MEGF11: variants seen among roughly 807,000 people sequenced by gnomAD.
The protein encoded by MEGF11 is multiple epidermal growth factor-like domains protein 11.
MEGF11 carries 126 observed loss-of-function variants against 146.6 expected under a neutral mutation model. The observed-to-expected ratio is 0.86, with a 90% CI of 0.74 to 1.00. MEGF11 has a LOEUF of 1.00. Ranked by LOEUF, MEGF11 falls within the 50% of genes least tolerant of loss-of-function variation. The pLI is 0.00. For missense variants in MEGF11, 1,509 were observed against 1,521.2 expected (o/e 0.99, Z 0.13); for synonymous variants, 532 against 583.4 (o/e 0.91, Z 1.27).
intron 5 of MEGF11, among the ~76,000 whole-genome samples, chr15:66,091,172 A>AC (rs2086304634): frequency 6.6e-6 from 1 of 152,220 alleles, no homozygotes; most frequent in Non-Finnish European, 1.5e-5. Context: ...CTGAAGAGGG[A>AC]CCAAGATACT....
At chr15:66,122,912 T>C (rs1177391564) in intron 3 of MEGF11, among the ~76,000 whole-genome samples, 1 of 152,114 alleles carries the variant, frequency 6.6e-6, no homozygotes, top group South Asian at 2.1e-4. Flanking sequence ...GCCTCCCTAG[T>C]AGCTGGGACT....
At position 65,916,810 on chromosome 15, in the gene MEGF11, C is replaced by T. The variant is rs556700553; in HGVS notation, c.2215+18G>A. 8.7e-6 allele frequency: 14 copies of T among 1,610,590 alleles called. No homozygotes were observed. The South Asian group carries it at 1.2e-4, about 14-fold the overall frequency. The stretch of plus-strand genomic sequence containing the variant: ...CATGGTATTCTAAGTGGCTGGGAGG[C>T]CAGGAGGTGGGGCTTACGCTGTGTG... On this transcript the variant is annotated intron_variant, in intron 17 of 25. Coordinates refer to ENST00000395614, the MANE Select transcript of MEGF11 (RefSeq NM_001385028.1).
intron 5 of MEGF11, among the ~76,000 whole-genome samples, chr15:66,087,297 T>C (rs1405348820): frequency 6.6e-6 from 1 of 152,088 alleles, no homozygotes; most frequent in Non-Finnish European, 1.5e-5. Context: ...AAACCATGGA[T>C]TTAAACTACT....
chr15:66,247,479 C>A (rs1388013932), intron 1 of MEGF11, among the ~76,000 whole-genome samples: 3 of 152,104 alleles, frequency 2.0e-5, no homozygotes, highest in African/African-American at 7.2e-5. Context: ...TAATTCAAAC[C>A]CATGTCTTGA....
chr15:66,063,429 T>C (rs898982052), intron 5 of MEGF11, among the ~76,000 whole-genome samples: 2 of 152,156 alleles, frequency 1.3e-5, no homozygotes, highest in Non-Finnish European at 2.9e-5. Context: ...TCCCAACTAA[T>C]CAGCCCTAGC....
At chr15:66,136,866 A>G (rs1344268864) in intron 1 of MEGF11, among the ~76,000 whole-genome samples, 1 of 152,116 alleles carries the variant, frequency 6.6e-6, no homozygotes, top group Non-Finnish European at 1.5e-5. Flanking sequence ...CATCTCTACA[A>G]ACAATACGGG....
rs549250586 is a variant in MEGF11, at chr15:66,015,251, C to T, written c.395-32763G>A. Among the ~76,000 whole-genome samples the T allele has an allele frequency of 2.6e-5, 4 of 152,254 alleles. No homozygotes were observed. The East Asian group carries it at 5.8e-4, about 22-fold the overall frequency. The stretch of plus-strand genomic sequence containing the variant: ...AGTCACCTCTGCAGTGGTCATCAGC[C>T]AACTGGAATGAGCTTAGAGGTTTCA... On this transcript the variant is annotated intron_variant, in intron 5 of 25. Coordinates refer to ENST00000395614, the MANE Select transcript of MEGF11 (RefSeq NM_001385028.1).
At chr15:66,106,342 T>G (rs2087079176) in intron 4 of MEGF11, among the ~76,000 whole-genome samples, 1 of 152,198 alleles carries the variant, frequency 6.6e-6, no homozygotes, top group Non-Finnish European at 1.5e-5. Context: ...AAGTAATACA[T>G]GCAGAACATA....
chr15:66,189,859 C>A (rs2090823127), intron 1 of MEGF11, among the ~76,000 whole-genome samples: 1 of 151,970 alleles, frequency 6.6e-6, no homozygotes. Flanking sequence ...CACTCGAAAG[C>A]AATCGTATTC....
At chr15:66,199,910 AAAAATAAAATAAAAT>A (rs59958390) in intron 1 of MEGF11, among the ~76,000 whole-genome samples, 6 of 151,320 alleles carry the variant, frequency 4.0e-5, no homozygotes, top group Non-Finnish European at 8.8e-5. Context: ...GGGGTTTGGC[AAAAATAAAATAAAAT>A]AAAATAAAAT....
chr15:66,127,045 C>T (rs1241956805), intron 2 of MEGF11, among the ~76,000 whole-genome samples: 1 of 152,176 alleles, frequency 6.6e-6, no homozygotes, highest in Non-Finnish European at 1.5e-5. Context: ...CCTCAAAGCA[C>T]TTTTGTGAAA....
At chr15:66,029,873 T>C (rs957363880) in intron 5 of MEGF11, among the ~76,000 whole-genome samples, 1 of 152,340 alleles carries the variant, frequency 6.6e-6, no homozygotes, top group Non-Finnish European at 1.5e-5. Flanking sequence ...CTTTCCCTCC[T>C]CTGGACCTCT....
intron 5 of MEGF11, among the ~76,000 whole-genome samples, chr15:66,056,333 AC>A (rs2084673034): frequency 6.6e-6 from 1 of 152,140 alleles, no homozygotes; most frequent in Non-Finnish European, 1.5e-5. Context: ...GCCTCATTTT[AC>A]CCTTGTAAAA....
At chr15:66,002,590 T>C (rs2082400336) in intron 5 of MEGF11, among the ~76,000 whole-genome samples, 1 of 152,296 alleles carries the variant, frequency 6.6e-6, no homozygotes, top group South Asian at 2.1e-4. Context: ...ACTAAAACTT[T>C]CTGTGCCTCA....
chr15:66,132,453 C>G (rs1372169230), intron 1 of MEGF11, among the ~76,000 whole-genome samples: 1 of 152,252 alleles, frequency 6.6e-6, no homozygotes, highest in African/African-American at 2.4e-5. Flanking sequence ...TGGAGCCTGG[C>G]CAACGTGCCT....
In MEGF11 at chr15:65,909,606, G is replaced by A. The variant is rs2078732417; in HGVS notation, c.2896+134C>T. The A allele has an allele frequency of 4.8e-6, 4 of 841,404 alleles. No individual in the cohort carries two copies. In the East Asian group the frequency reaches 1.1e-4, roughly 22 times the overall value. The allele number at this position is 841,404 out of a possible 1,614,324, so 52.1% of individuals were successfully genotyped here. A position where few individuals can be genotyped will look rare whatever the true frequency, so the allele number is the denominator to read the frequency against. ...ATTCTTGGGCTTCATCTGCTTGTGA[G>A]AGCCAAAATTTCTCCCTGGGGGAAA... is the stretch of plus-strand genomic sequence containing the variant. On this transcript the variant is annotated intron_variant, in intron 22 of 25. Coordinates refer to ENST00000395614, the MANE Select transcript of MEGF11 (RefSeq NM_001385028.1).
At position 66,159,012 on chromosome 15, in the gene MEGF11, G is replaced by T. The variant is rs556103373; in HGVS notation, c.-8-30601C>A. On this transcript the variant is annotated intron_variant, in intron 1 of 25. Coordinates refer to ENST00000395614, the MANE Select transcript of MEGF11 (RefSeq NM_001385028.1). Reference sequence around the variant, plus strand: ...TTGTTTACACCTATGTCTCAATGAGGTTCTAATTTTTGCTTTGAGAGTTGA... The same window carrying T: ...TTGTTTACACCTATGTCTCAATGAGTTTCTAATTTTTGCTTTGAGAGTTGA... 5.9e-5 allele frequency among the ~76,000 whole-genome samples: 9 copies of T among 152,294 alleles called. No individual in the cohort carries two copies. In the South Asian group the frequency reaches 1.9e-3, roughly 32 times the overall value.
At chr15:65,927,344 C>T (rs1047946615) in intron 13 of MEGF11, among the ~76,000 whole-genome samples, 1 of 152,160 alleles carries the variant, frequency 6.6e-6, no homozygotes, top group Non-Finnish European at 1.5e-5. Context: ...CAGTCTTGCT[C>T]CAGAGCTGGG....
intron 9 of MEGF11, 142 bp from the exon 10 acceptor site, chr15:65,957,863 GT>G: frequency 1.4e-6 from 1 of 729,268 alleles, no homozygotes. Flanking sequence ...TGCCTTTTCT[GT>G]TTATCAGAAG....
Sources: gnomAD v4.1 joint callset for allele counts (sites outside exome capture counted in the v4.1 genomes callset) on GRCh38, gnomAD v4.1.1 for gene constraint, MANE v1.5 for transcripts, NCBI Gene and HGNC (gene_info 2026-07-23, HGNC 2026-07-21) for gene names.